METTL3: variants seen among roughly 807,000 people sequenced by gnomAD.
METTL3 encodes methyltransferase 3, N6-adenosine-methyltransferase complex catalytic subunit.
In METTL3, 42 loss-of-function variants were observed where a neutral mutation model predicts 64.3. The observed-to-expected ratio is 0.65, with a 90% CI of 0.51 to 0.84. The LOEUF (loss-of-function observed/expected upper bound fraction) is 0.84, where lower values mean the gene tolerates loss of function less well. Ranked by LOEUF, METTL3 falls within the 40% of genes least tolerant of loss-of-function variation. The pLI, the probability that METTL3 is intolerant of heterozygous loss-of-function variation, is 0.00. For missense variants in METTL3, 435 were observed against 722.3 expected, an observed-to-expected ratio of 0.60 and a Z score of 4.56; for synonymous variants, 256 against 263.6, an observed-to-expected ratio of 0.97 and a Z score of 0.28.
In METTL3 at chr14:21,501,845, A is replaced by C; in HGVS notation, c.782T>G (p.Val261Gly). The C allele has an allele frequency of 6.2e-7, 1 of 1,614,160 alleles. No homozygotes were observed. Among genetic ancestry groups the C allele is most frequent in the Non-Finnish European group, 8.5e-7 (1 of 1,180,020 alleles). The change falls in exon 4 of 11, where the codon GTT (valine) becomes GGT (glycine). Residue 261 changes from valine (V) to glycine (G), a missense_variant. By Grantham distance (109) the Val-to-Gly change is moderately radical. Around this residue, in one of 9 missense-constraint regions of METTL3, gnomAD observed 40 missense variants for 89.6 expected, o/e 0.45. Transcript: ENST00000298717. ...CCGACCTCGAGAGCGAAATTTTTCA[A>C]CAATGGATTGTTCCTTGGCTGTTGT... is the stretch of plus-strand genomic sequence containing the variant. Reference protein sequence around the residue: ...NTTTAKEQSIVEKFRSRGRAQ... With the variant: ...NTTTAKEQSIGEKFRSRGRAQ...
rs1189561020 is a variant in METTL3, at chr14:21,503,405, T to G, written c.491A>C (p.Lys164Thr). Residue 164 changes from lysine to threonine, a missense_variant, in exon 3 of 11, where the codon AAG becomes ACG. Around this residue, in one of 9 missense-constraint regions of METTL3, gnomAD observed 228 missense variants for 279.6 expected, o/e 0.82. Coordinates refer to ENST00000298717, the MANE Select transcript of METTL3 (RefSeq NM_019852.5). ...AGTCCCTGCTACCTCCCCAGGGCCC[T>G]TCTTTTCTGCCACAGCACCCATCAT... ...SAMMGAVAEK[K>T]GPGEVAGTVT... is the part of the protein sequence containing the mutation. 6.2e-7 allele frequency: 1 copy of G among 1,614,116 alleles called. No individual in the cohort carries two copies. Among genetic ancestry groups the G allele is most frequent in the South Asian group, 1.1e-5 (1 of 91,084 alleles).
Position 21,511,227 on chromosome 14 carries a change from A to C in METTL3, c.-4T>G, listed in dbSNP as rs1441314148. 8.7e-6 allele frequency: 14 copies of C among 1,613,208 alleles called. No homozygotes were observed. The highest frequency in any genetic ancestry group is 1.2e-5 in the Non-Finnish European group (14 of 1,179,674). ...TAGAGCTCCACGTGTCCGACATCCT[A>C]GTCTCCCAGCCCTGACACCTCTCGA... On this transcript the variant is annotated 5_prime_UTR_variant, in exon 1 of 11. Transcript: ENST00000298717.
In METTL3 at chr14:21,508,849, G is replaced by A. The variant is rs28593135; in HGVS notation, c.100+2275C>T. 1.5e-3 allele frequency among the ~76,000 whole-genome samples: 230 copies of A among 152,242 alleles called. 1 individual carries two copies. Among genetic ancestry groups the A allele is most frequent in the African/African-American group, 5.2e-3 (216 of 41,546 alleles). ...GCGGAGGTTGCGGTGAGCCAAGATC[G>A]CGCCATTGCACTCTGGCCTGGGCAA... On this transcript the variant is annotated intron_variant, in intron 1 of 10. Coordinates refer to ENST00000298717, the MANE Select transcript of METTL3 (RefSeq NM_019852.5).
chr14:21,500,890 G>A (rs1392415029), intron 5 of METTL3, 23 bp downstream of exon 5: 7 of 1,601,834 alleles, frequency 4.4e-6, no homozygotes, highest in Middle Eastern at 1.7e-4. Context: ...AAGTTGAGAC[G>A]AGTTTTCTGA....
chr14:21,499,209 G>T, intron 9 of METTL3, 72 bp from the exon 10 acceptor site: 2 of 1,576,900 alleles, frequency 1.3e-6, no homozygotes, highest in Admixed American at 3.3e-5. Context: ...TTATGTTTAT[G>T]ATCTAAATGA....
intron 3 of METTL3, 149 bp downstream of exon 3, chr14:21,503,023 AT>A: frequency 1.1e-6 from 1 of 872,558 alleles, no homozygotes; most frequent in South Asian, 1.7e-5. Flanking sequence ...GTCTCCGGAC[AT>A]TACCAGATCC....
At chr14:21,501,438 T>C (rs1054364235) in intron 4 of METTL3, 1 of 551,328 alleles carries the variant, frequency 1.8e-6, no homozygotes, top group Non-Finnish European at 3.2e-6. Flanking sequence ...CTCCTAAGAT[T>C]ATCCTCCTTT....
chr14:21,503,550 C>T lies in METTL3; in HGVS notation c.346G>A (p.Val116Ile), dbSNP rs1281554457. The change falls in exon 3 of 11, where the codon GTA becomes ATA. Residue 116 changes from valine to isoleucine, a missense_variant. Transcript: ENST00000298717. ...GCAAACTTCTGCAGGAGGCTTTCTA[C>T]CCCATCTTGAGTGGCAGGAGCATCT... ...TPDAPATQDG[V>I]ESLLQKFAAQ... The T allele has an allele frequency of 6.2e-7, 1 of 1,612,544 alleles. No individual in the cohort carries two copies. Among genetic ancestry groups the T allele is most frequent in the East Asian group, 2.2e-5 (1 of 44,888 alleles).
intron 1 of METTL3, among the ~76,000 whole-genome samples, chr14:21,508,983 C>T (rs990918389): frequency 1.2e-4 from 18 of 152,168 alleles, no homozygotes; most frequent in African/African-American, 2.9e-4. Context: ...GTCACAAAAA[C>T]GACAGAAAGG....
chr14:21,510,084 T>C (rs930709790), intron 1 of METTL3, among the ~76,000 whole-genome samples: 3 of 152,238 alleles, frequency 2.0e-5, no homozygotes, highest in Admixed American at 6.5e-5. Flanking sequence ...AGACTGTAGA[T>C]TCATTCATTT....
intron 6 of METTL3, among the ~76,000 whole-genome samples, chr14:21,500,226 T>C (rs1891526060): frequency 6.6e-6 from 1 of 151,988 alleles, no homozygotes; most frequent in Non-Finnish European, 1.5e-5. Context: ...TTAGCTGGGC[T>C]GGTGGCACGT....
chr14:21,509,131 G>C (rs1203663856), intron 1 of METTL3, among the ~76,000 whole-genome samples: 2 of 152,120 alleles, frequency 1.3e-5, no homozygotes, highest in African/African-American at 4.8e-5. Flanking sequence ...CTTGAGCTCA[G>C]GAGTTAGAGA....
rs772166596 is a variant in METTL3 at position 21,503,399 on chromosome 14, G to C, written c.497C>G (p.Pro166Arg). ...TGTGACAGTCCCTGCTACCTCCCCA[G>C]GGCCCTTCTTTTCTGCCACAGCACC... Reference protein sequence around the residue: ...MMGAVAEKKGPGEVAGTVTGQ... With the variant: ...MMGAVAEKKGRGEVAGTVTGQ... Residue 166 changes from proline (P) to arginine (R), a missense_variant, in exon 3 of 11, where the codon CCT becomes CGT. Physicochemically the swap from Pro to Arg is moderately radical, Grantham distance 103 (BLOSUM62 -2). This residue lies in a region of METTL3 where 228 missense variants were observed against 279.6 expected (regional missense o/e 0.82). Coordinates refer to ENST00000298717, the MANE Select transcript of METTL3 (RefSeq NM_019852.5). 1.9e-6 allele frequency: 3 copies of C among 1,614,122 alleles called. 1 individual carries two copies. In the South Asian group the frequency reaches 3.3e-5, roughly 18 times the overall value.
At position 21,503,762 on chromosome 14, in the gene METTL3, T is replaced by C. The variant is rs544263777; in HGVS notation, c.220A>G (p.Thr74Ala). ...AACTTCTTCTCTAACTCAGGATCTG[T>C]AGCTAATTCAGGAACTGCTGAAGCT... Reference protein sequence around the residue: ...STASAVPELATDPELEKKLLH... With the variant: ...STASAVPELAADPELEKKLLH... Residue 74 changes from threonine to alanine, a missense_variant, in exon 2 of 11, where the codon ACA (threonine) becomes GCA (alanine). Around this residue, in one of 9 missense-constraint regions of METTL3, gnomAD observed 228 missense variants for 279.6 expected, o/e 0.82. Coordinates refer to ENST00000298717, the MANE Select transcript of METTL3 (RefSeq NM_019852.5). 3.1e-6 allele frequency: 5 copies of C among 1,614,234 alleles called. No homozygotes were observed. In the African/African-American group the frequency reaches 4.0e-5, roughly 13 times the overall value.
chr14:21,499,884 T>C (rs1891514771), intron 6 of METTL3, 82 bp from the exon 7 acceptor site: 2 of 1,321,186 alleles, frequency 1.5e-6, no homozygotes, highest in African/African-American at 2.9e-5. Context: ...AAAAACACTA[T>C]AAACACTTTT....
chr14:21,499,725 G>GTAT, intron 7 of METTL3, 39 bp downstream of exon 7: 1 of 1,600,882 alleles, frequency 6.2e-7, no homozygotes, highest in Non-Finnish European at 8.6e-7. Context: ...CACTGTAACA[G>GTAT]TATTACCCTC....
chr14:21,503,724 G>A lies in METTL3; in HGVS notation c.258C>T (p.Leu86=). The change falls in exon 2 of 11, where the codon CTC becomes CTT. Residue 86 remains leucine, a synonymous_variant. Coordinates refer to ENST00000298717, the MANE Select transcript of METTL3 (RefSeq NM_019852.5). ...TGGGCAATGTTAAGGCCAGATCAGA[G>A]AGGTGGTGTAGCAACTTCTTCTCTA... The part of the protein sequence containing the change: ...PELEKKLLHH[L]SDLALTLPTD... 1 of 1,614,250 alleles carries A rather than the reference G, an allele frequency of 6.2e-7. No individual in the cohort carries two copies. Among genetic ancestry groups the A allele is most frequent in the South Asian group, 1.1e-5 (1 of 91,086 alleles).
At position 21,511,307 on chromosome 14, in the gene METTL3, C is replaced by A; in HGVS notation, c.-84G>T. On this transcript the variant is annotated 5_prime_UTR_variant, in exon 1 of 11. Transcript: ENST00000298717. Reference sequence around the variant, plus strand: ...CACTCGCTCCAGGATATAGCCAATTCTCACGCGGACACCCCGAAGGCTAAC... The same window carrying A: ...CACTCGCTCCAGGATATAGCCAATTATCACGCGGACACCCCGAAGGCTAAC... 1 of 1,511,654 alleles carries A rather than the reference C, an allele frequency of 6.6e-7. No homozygotes were observed. Among genetic ancestry groups the A allele is most frequent in the Non-Finnish European group, 8.9e-7 (1 of 1,125,688 alleles). 93.6% of individuals were successfully genotyped at this position (1,511,654 alleles called of 1,614,324 possible).
At chr14:21,504,033 CA>C (rs1891637930) in intron 1 of METTL3, 152 bp from the exon 2 acceptor site, 2 of 641,358 alleles carry the variant, frequency 3.1e-6, no homozygotes, top group Non-Finnish European at 5.3e-6. Context: ...TACCTATCCT[CA>C]ATCATACTAA....
Sources: gnomAD v4.1 joint callset for allele counts (sites outside exome capture counted in the v4.1 genomes callset) on GRCh38, gnomAD v4.1.1 for gene constraint, gnomAD v4.1.1 regional missense constraint, MANE v1.5 for transcripts, NCBI Gene and HGNC (gene_info 2026-07-23, HGNC 2026-07-21) for gene names.